NCALD: variants seen among roughly 807,000 people sequenced by gnomAD.
NCALD encodes the protein neurocalcin delta, also known as neurocalcin-delta.
Under a neutral mutation model 18.6 loss-of-function variants are expected in NCALD, and 10 were observed. The observed-to-expected ratio is 0.54, with a 90% CI of 0.33 to 0.91. The LOEUF is 0.91. NCALD is among the 40% of genes least tolerant of loss of function. NCALD has a pLI of 0.03. For missense variants in NCALD, 184 were observed against 247.6 expected, an observed-to-expected ratio of 0.74 and a Z score of 1.72; for synonymous variants, 88 against 87.4, an observed-to-expected ratio of 1.01 and a Z score of -0.04.
Position 102,096,014 on chromosome 8 carries a change from G to A in NCALD, c.-210+28223C>T, listed in dbSNP as rs540613417. ...CATCCCAGGAATCTCCCCAGGCCTGGGTAAACCTGAACATTTGTCCCCCTG... is the reference window on the plus strand; with the variant it reads ...CATCCCAGGAATCTCCCCAGGCCTGAGTAAACCTGAACATTTGTCCCCCTG... On this transcript the variant is annotated intron_variant, in intron 1 of 6. Coordinates refer to the NCALD transcript ENST00000311028. Among the ~76,000 whole-genome samples the A allele has an allele frequency of 2.0e-5, 3 of 152,270 alleles. No homozygotes were observed. In the South Asian group the frequency reaches 6.2e-4, roughly 32 times the overall value.
chr8:101,801,706 G>A (rs1240297038), intron 4 of NCALD, among the ~76,000 whole-genome samples: 2 of 111,124 alleles, frequency 1.8e-5, no homozygotes, highest in Admixed American at 1.4e-4. Context: ...TCCCTCTGTC[G>A]CCCAGGCTGG....
intron 2 of NCALD, among the ~76,000 whole-genome samples, chr8:101,713,851 T>C (rs1815933968): frequency 6.6e-6 from 1 of 152,004 alleles, no homozygotes; most frequent in Non-Finnish European, 1.5e-5. Context: ...CTACCAGAGG[T>C]ACAAAGAGGA....
chr8:101,875,762 G>C (rs1020939689), intron 4 of NCALD, among the ~76,000 whole-genome samples: 1 of 152,152 alleles, frequency 6.6e-6, no homozygotes, highest in Non-Finnish European at 1.5e-5. Context: ...CCACATTCAG[G>C]ACCCCTCCCT....
At chr8:101,829,022 G>T (rs1814062497) in intron 4 of NCALD, among the ~76,000 whole-genome samples, 1 of 152,164 alleles carries the variant, frequency 6.6e-6, no homozygotes, top group South Asian at 2.1e-4. Context: ...TAGGATTGCA[G>T]AGAGGAGGAG....
chr8:101,806,341 A>T (rs1432736597), intron 4 of NCALD, among the ~76,000 whole-genome samples: 1 of 152,152 alleles, frequency 6.6e-6, no homozygotes, highest in Non-Finnish European at 1.5e-5. Context: ...ATACACGGGA[A>T]AAAAAGCAGA....
rs78211852 is a variant in NCALD at position 102,037,070 on chromosome 8, G to T, written c.-209-16781C>A. On this transcript the variant is annotated intron_variant, in intron 1 of 6. Transcript: ENST00000311028. ...GGGAACACCTAAATATCAAACAATG[G>T]ATAAGTTAAATAAATTACATCTCCC... Among the ~76,000 whole-genome samples the T allele has an allele frequency of 0.01, 1,575 of 152,168 alleles. 66 individuals are homozygous for T. The East Asian group carries it at 0.12, about 11-fold the overall frequency.
At chr8:102,004,224 A>T (rs1298568907) in intron 2 of NCALD, among the ~76,000 whole-genome samples, 2 of 152,160 alleles carry the variant, frequency 1.3e-5, no homozygotes, top group Non-Finnish European at 2.9e-5. Flanking sequence ...AAGCATTCTT[A>T]TACACCAACA....
chr8:101,723,896 TTTG>T (rs149449997), intron 1 of NCALD, among the ~76,000 whole-genome samples: 2,749 of 152,306 alleles, frequency 0.018, 75 homozygotes, highest in East Asian at 0.1. Flanking sequence ...TTCATGTTTG[TTTG>T]TTGTTAAGTG....
chr8:101,901,105 C>T (rs1287889893), intron 3 of NCALD, among the ~76,000 whole-genome samples: 2 of 151,956 alleles, frequency 1.3e-5, no homozygotes, highest in African/African-American at 4.8e-5. Flanking sequence ...TAATATCTCT[C>T]TCTGTCCTTG....
chr8:101,828,225 G>T (rs1814020082), intron 4 of NCALD, among the ~76,000 whole-genome samples: 1 of 152,120 alleles, frequency 6.6e-6, no homozygotes, highest in African/African-American at 2.4e-5. Context: ...CATGGCCTCT[G>T]CATGGAAGGA....
At chr8:101,931,260 T>C (rs549212331) in intron 2 of NCALD, among the ~76,000 whole-genome samples, 2 of 152,214 alleles carry the variant, frequency 1.3e-5, no homozygotes, top group Non-Finnish European at 2.9e-5. Context: ...AAGAACATGG[T>C]TAATGATCTG....
At chr8:101,946,808 GCAA>G (rs1819193042) in intron 2 of NCALD, among the ~76,000 whole-genome samples, 1 of 32,012 alleles carries the variant, frequency 3.1e-5, no homozygotes, top group Non-Finnish European at 5.2e-5. Context: ...ACATCAATTA[GCAA>G]AAAAAAAAAA....
At chr8:102,061,710 C>T (rs1206371883) in intron 1 of NCALD, among the ~76,000 whole-genome samples, 1 of 152,214 alleles carries the variant, frequency 6.6e-6, no homozygotes, top group Non-Finnish European at 1.5e-5. Context: ...AAATTCCCTT[C>T]CCAGGACTGT....
intron 2 of NCALD, among the ~76,000 whole-genome samples, chr8:102,011,136 TC>T (rs1821890336): frequency 6.6e-6 from 1 of 152,034 alleles, no homozygotes; most frequent in South Asian, 2.1e-4. Flanking sequence ...CCTCACGGAG[TC>T]CTCTTTGACT....
At chr8:101,790,783 T>C (rs1812413934) in intron 1 of NCALD, 79 bp downstream of exon 1, 1 of 152,196 alleles carries the variant, frequency 6.6e-6, no homozygotes, top group Non-Finnish European at 1.5e-5. Flanking sequence ...AATACAAACT[T>C]GTAGGAGGTA....
chr8:101,799,760 G>C (rs970515648), intron 4 of NCALD, among the ~76,000 whole-genome samples: 2 of 152,160 alleles, frequency 1.3e-5, no homozygotes, highest in Non-Finnish European at 2.9e-5. Flanking sequence ...AGTTGCAAGG[G>C]GTTAAGGAGC....
intron 2 of NCALD, among the ~76,000 whole-genome samples, chr8:101,947,270 A>T (rs1819213208): frequency 6.6e-6 from 1 of 152,210 alleles, no homozygotes; most frequent in Non-Finnish European, 1.5e-5. Flanking sequence ...GGGCCAAAGA[A>T]TGATAACATC....
Position 101,688,838 on chromosome 8 carries a change from G to T in NCALD, c.*471C>A. ...CTCGCTGGAATAGCCTCACCCCAGA[G>T]GGTAACTTGTTCTTGGGGAATCCAG... On this transcript the variant is annotated 3_prime_UTR_variant, in exon 4 of 4. Coordinates refer to ENST00000220931, the MANE Select transcript of NCALD (RefSeq NM_032041.3). 1.6e-6 allele frequency: 1 copy of T among 627,848 alleles called. No homozygotes were observed. The highest frequency in any genetic ancestry group is 2.9e-5 in the East Asian group (1 of 34,108). The allele number at this position is 627,848 out of a possible 1,614,324, so 38.9% of individuals were successfully genotyped here.
chr8:101,868,827 T>A (rs1815886110), intron 4 of NCALD, among the ~76,000 whole-genome samples: 1 of 152,250 alleles, frequency 6.6e-6, no homozygotes, highest in African/African-American at 2.4e-5. Flanking sequence ...CATGGCCCGC[T>A]CCCACTCTGT....
Sources: allele counts gnomAD v4.1 joint callset (sites outside exome capture counted in the v4.1 genomes callset), GRCh38; gene constraint gnomAD v4.1.1; transcripts MANE v1.5; gene names NCBI Gene and HGNC (gene_info 2026-07-23, HGNC 2026-07-21).